SSR3: variants seen among roughly 807,000 people sequenced by gnomAD.
SSR3 encodes the protein translocon-associated protein subunit gamma.
SSR3 carries 10 observed loss-of-function variants against 22.1 expected under a neutral mutation model. That is an observed-to-expected ratio of 0.45 (90% CI 0.28 to 0.77). The LOEUF is 0.77. Ranked by LOEUF, SSR3 falls within the 30% of genes least tolerant of loss-of-function variation. The probability of loss-of-function intolerance (pLI) is 0.13; values close to 1 mark genes in which losing one functional copy is unlikely to be tolerated. For missense variants in SSR3, 181 were observed against 220.5 expected, an observed-to-expected ratio of 0.82 and a Z score of 1.13; for synonymous variants, 104 against 82.5, an observed-to-expected ratio of 1.26 and a Z score of -1.42.
intron 3 of SSR3, 73 bp downstream of exon 3, chr3:156,548,832 T>TGGA: frequency 6.4e-7 from 1 of 1,568,144 alleles, no homozygotes; most frequent in South Asian, 1.2e-5. Flanking sequence ...TCCAAATTCT[T>TGGA]TAAGCAAAAA....
chr3:156,546,055 A>T (rs1193760406), intron 3 of SSR3, among the ~76,000 whole-genome samples: 1 of 152,204 alleles, frequency 6.6e-6, no homozygotes, highest in Non-Finnish European at 1.5e-5. Flanking sequence ...TTTTCTGTCA[A>T]GCCCTAAATA....
chr3:156,543,411 AAACAC>A, intron 4 of SSR3, 142 bp from the exon 5 acceptor site: 2 of 562,516 alleles, frequency 3.6e-6, no homozygotes, highest in Non-Finnish European at 3.1e-6. Flanking sequence ...CATTGTCTGC[AAACAC>A]AATTTGCAAG....
chr3:156,554,009 C>T (rs1720061002), intron 1 of SSR3: 1 of 364,080 alleles, frequency 2.7e-6, no homozygotes, highest in East Asian at 4.3e-5. Flanking sequence ...ATTACTAGTC[C>T]AGATGAGATT....
At chr3:156,554,736 C>T in intron 1 of SSR3, 1 of 587,738 alleles carries the variant, frequency 1.7e-6, no homozygotes. Flanking sequence ...AACGTGCGTA[C>T]TTTTAACAAG....
intron 4 of SSR3, among the ~76,000 whole-genome samples, 180 bp from the exon 5 acceptor site, chr3:156,543,449 A>T (rs1414472865): frequency 6.6e-6 from 1 of 152,154 alleles, no homozygotes; most frequent in Admixed American, 6.5e-5. Context: ...AAAAAAATGG[A>T]AAACATTCAC....
rs1263768404 is a variant in SSR3 at position 156,541,040 on chromosome 3, AC to A, written c.*2162del. The A allele has an allele frequency of 8.7e-6, 1 of 115,024 alleles. No individual in the cohort carries two copies. Among genetic ancestry groups the A allele is most frequent in the East Asian group, 3.1e-4 (1 of 3,250 alleles). 7.1% of individuals were successfully genotyped at this position (115,024 alleles called of 1,614,324 possible). A position where few individuals can be genotyped will look rare whatever the true frequency, so the allele number is the denominator to read the frequency against. The stretch of plus-strand genomic sequence containing the variant: ...AAGTTGGAAAACATCAAGATTAAAA[AC>A]AGTGCTGTAGGAAAAATTCACAACA... On this transcript the variant is annotated 3_prime_UTR_variant, in exon 5 of 5. Transcript: ENST00000265044.
intron 3 of SSR3, among the ~76,000 whole-genome samples, chr3:156,545,338 T>C (rs1719723345): frequency 6.6e-6 from 1 of 152,220 alleles, no homozygotes; most frequent in Non-Finnish European, 1.5e-5. Context: ...TATCGTTTTA[T>C]GAAACATGTG....
intron 2 of SSR3, chr3:156,551,432 G>A (rs1435191805): frequency 6.6e-5 from 10 of 152,152 alleles, no homozygotes; most frequent in African/African-American, 2.4e-4. Context: ...CCGATACACA[G>A]ATGGCCATGC....
At chr3:156,544,041 A>G (rs1719666642) in intron 4 of SSR3, 1 of 384,834 alleles carries the variant, frequency 2.6e-6, no homozygotes, top group Non-Finnish European at 4.6e-6. Context: ...GGCTCTTTGG[A>G]GCTTTTTTTT....
chr3:156,552,824 C>G (rs1016567201), intron 2 of SSR3, among the ~76,000 whole-genome samples: 5 of 152,190 alleles, frequency 3.3e-5, no homozygotes, highest in Non-Finnish European at 7.3e-5. Flanking sequence ...ATGTTACCAT[C>G]TTTCCTAAGT....
At chr3:156,553,259 AAAT>A (rs34206785) in intron 2 of SSR3, among the ~76,000 whole-genome samples, 21,069 of 152,104 alleles carry the variant, frequency 0.14, 1,504 homozygotes, top group East Asian at 0.21. Context: ...TTGTCTCAAA[AAAT>A]AATAATGACA....
chr3:156,544,391 A>T lies in SSR3; in HGVS notation c.408T>A (p.Phe136Leu). 1.3e-6 allele frequency: 2 copies of T among 1,596,304 alleles called. No homozygotes were observed. Among genetic ancestry groups the T allele is most frequent in the Non-Finnish European group, 1.7e-6 (2 of 1,171,522 alleles). ...ACAGAGTGTTGTTATAGAAGATGGA[A>T]AATGTTGTAGCTTCATAATCAGCAA... ...NEVADYEATT[F>L]SIFYNNTLFL... Residue 136 changes from phenylalanine (F) to leucine (L), a missense_variant, in exon 4 of 5, where the codon TTT becomes TTA. Coordinates refer to ENST00000265044, the MANE Select transcript of SSR3 (RefSeq NM_007107.5).
In SSR3 at chr3:156,555,068, T is replaced by G. The variant is rs1205938401; in HGVS notation, c.22A>C (p.Lys8Gln). The G allele has an allele frequency of 6.2e-7, 1 of 1,613,758 alleles. No individual in the cohort carries two copies. Among genetic ancestry groups the G allele is most frequent in the Non-Finnish European group, 8.5e-7 (1 of 1,179,940 alleles). ...AGCAGGTCCTCCTCAGACTGCTGTT[T>G]GGAGCTGCCTTTAGGAGCCATGGCG... MAPKGSS[K>Q]QQSEEDLLLQ... The change falls in exon 1 of 5, where the codon AAA becomes CAA. Residue 8 changes from lysine (K) to glutamine (Q), a missense_variant. Physicochemically the swap from Lys to Gln is moderately conservative, Grantham distance 53. Coordinates refer to ENST00000265044, the MANE Select transcript of SSR3 (RefSeq NM_007107.5).
chr3:156,543,973 A>T (rs943446932), intron 4 of SSR3: 11 of 284,710 alleles, frequency 3.9e-5, no homozygotes, highest in Non-Finnish European at 5.8e-5. Context: ...AGAGCCCAAA[A>T]ATAACAGGTA....
In SSR3 at chr3:156,539,891, A is replaced by G. The variant is rs571946126; in HGVS notation, c.*3312T>C. On this transcript the variant is annotated 3_prime_UTR_variant, in exon 5 of 5. Transcript: ENST00000265044. ...GTCTGCCCTTTACTGTAACTGCTCA[A>G]TGCCTTTCATTGCCTCACATACATT... Among the ~76,000 whole-genome samples, 30 of 152,336 alleles carry G rather than the reference A, an allele frequency of 2.0e-4. No homozygotes were observed. Among genetic ancestry groups the G allele is most frequent in the African/African-American group, 7.2e-4 (30 of 41,576 alleles).
At position 156,544,393 on chromosome 3, in the gene SSR3, A is replaced by C; in HGVS notation, c.406T>G (p.Phe136Val). ...AGAGTGTTGTTATAGAAGATGGAAA[A>C]TGTTGTAGCTTCATAATCAGCAACT... ...NEVADYEATT[F>V]SIFYNNTLFL... is the part of the protein sequence containing the mutation. Residue 136 changes from phenylalanine to valine, a missense_variant, in exon 4 of 5, where the codon TTT becomes GTT. Transcript: ENST00000265044. The C allele has an allele frequency of 6.3e-7, 1 of 1,595,384 alleles. No homozygotes were observed. Among genetic ancestry groups the C allele is most frequent in the Non-Finnish European group, 8.5e-7 (1 of 1,171,062 alleles).
intron 2 of SSR3, 66 bp from the exon 3 acceptor site, chr3:156,549,069 G>A: frequency 6.8e-7 from 1 of 1,462,638 alleles, no homozygotes; most frequent in South Asian, 1.3e-5. Context: ...CACTCTCTCA[G>A]AAACACACCG....
At chr3:156,549,080 T>C (rs1719861018) in intron 2 of SSR3, 77 bp from the exon 3 acceptor site, 1 of 1,398,832 alleles carries the variant, frequency 7.1e-7, no homozygotes, top group South Asian at 1.4e-5. Context: ...AAACACACCG[T>C]ACTCATATTT....
chr3:156,545,559 T>C (rs1049830597), intron 3 of SSR3, among the ~76,000 whole-genome samples: 1 of 152,228 alleles, frequency 6.6e-6, no homozygotes, highest in Non-Finnish European at 1.5e-5. Flanking sequence ...TCATTAAGTA[T>C]ACTAATCCAA....
Sources: allele counts gnomAD v4.1 joint callset (sites outside exome capture counted in the v4.1 genomes callset), GRCh38; gene constraint gnomAD v4.1.1; transcripts MANE v1.5; gene names NCBI Gene and HGNC (gene_info 2026-07-23, HGNC 2026-07-21).